Variants in CCDC112 observed in about 807,000 individuals in gnomAD.
CCDC112 encodes the protein coiled-coil domain containing 112.
CCDC112 carries 40 observed loss-of-function variants against 66.3 expected under a neutral mutation model. That is an observed-to-expected ratio of 0.60 (90% CI 0.47 to 0.79). The LOEUF (loss-of-function observed/expected upper bound fraction) is 0.79. CCDC112 is among the 30% of genes least tolerant of loss of function. CCDC112 has a pLI of 0.00. For missense variants in CCDC112, 659 were observed against 603.8 expected (o/e 1.09, Z -0.96); for synonymous variants, 214 against 197.2 (o/e 1.09, Z -0.71).
At chr5:115,292,803 C>T (rs1749991013) in intron 1 of CCDC112, among the ~76,000 whole-genome samples, 1 of 152,196 alleles carries the variant, frequency 6.6e-6, no homozygotes. Context: ...CTAGCCTTTG[C>T]TACCTTTGGG....
At chr5:115,283,295 C>T (rs566633440) in intron 2 of CCDC112, among the ~76,000 whole-genome samples, 1 of 152,052 alleles carries the variant, frequency 6.6e-6, no homozygotes, top group Non-Finnish European at 1.5e-5. Flanking sequence ...CACCTCATCA[C>T]CCCCAGACTC....
In CCDC112 at chr5:115,275,548, T is replaced by G; in HGVS notation, c.586A>C (p.Arg196=). ...CCCAAAGCCCATGTGTCAATTTTTC[T>G]TGATATGGCACTCAACTCATTATTA... ...TTNNELSAIS[R]KIDTWALGNS... is the part of the protein sequence containing the mutation. Residue 196 remains arginine, a synonymous_variant, in exon 6 of 10, where the codon AGA becomes CGA. Transcript: ENST00000379611. 1.2e-6 allele frequency: 2 copies of G among 1,613,194 alleles called. No homozygotes were observed. Among genetic ancestry groups the G allele is most frequent in the Non-Finnish European group, 8.5e-7 (1 of 1,179,416 alleles).
intron 1 of CCDC112, among the ~76,000 whole-genome samples, chr5:115,290,300 G>T (rs980669182): frequency 6.6e-6 from 1 of 151,966 alleles, no homozygotes; most frequent in Non-Finnish European, 1.5e-5. Flanking sequence ...TAAAACTGTA[G>T]GTGTATGTCT....
chr5:115,292,692 G>A (rs942185842), intron 1 of CCDC112, among the ~76,000 whole-genome samples: 4 of 152,196 alleles, frequency 2.6e-5, no homozygotes, highest in African/African-American at 9.6e-5. Flanking sequence ...AAAATCTGTA[G>A]TCTTGGTCAG....
intron 1 of CCDC112, among the ~76,000 whole-genome samples, chr5:115,290,555 G>A (rs981001856): frequency 2.0e-5 from 3 of 152,190 alleles, no homozygotes; most frequent in Non-Finnish European, 4.4e-5. Flanking sequence ...AGATTGCACT[G>A]AATCTGTAAA....
intron 2 of CCDC112, among the ~76,000 whole-genome samples, chr5:115,280,765 G>A (rs993613767): frequency 1.3e-5 from 2 of 151,946 alleles, no homozygotes; most frequent in African/African-American, 4.8e-5. Flanking sequence ...TGTTGCCCAG[G>A]CTGGTCTTGA....
At chr5:115,279,493 A>G (rs1298585898) in intron 3 of CCDC112, among the ~76,000 whole-genome samples, 154 bp downstream of exon 3, 3 of 152,220 alleles carry the variant, frequency 2.0e-5, no homozygotes. Context: ...GACAAATTTT[A>G]CCAACTAAAA....
At chr5:115,288,427 C>A (rs1749779564) in intron 1 of CCDC112, among the ~76,000 whole-genome samples, 1 of 152,182 alleles carries the variant, frequency 6.6e-6, no homozygotes, top group Non-Finnish European at 1.5e-5. Flanking sequence ...ATACCATATA[C>A]ACTACAAACT....
At chr5:115,279,113 A>G (rs1207660344) in intron 3 of CCDC112, among the ~76,000 whole-genome samples, 1 of 152,208 alleles carries the variant, frequency 6.6e-6, no homozygotes, top group Admixed American at 6.5e-5. Context: ...ATTTTTATAT[A>G]TTATCTCATC....
At position 115,284,800 on chromosome 5, in the gene CCDC112, T is replaced by C; in HGVS notation, c.226A>G (p.Lys76Glu). The C allele has an allele frequency of 6.2e-7, 1 of 1,604,062 alleles. No homozygotes were observed. The highest frequency in any genetic ancestry group is 8.5e-7 in the Non-Finnish European group (1 of 1,171,222). Residue 76 changes from lysine (K) to glutamate (E), a missense_variant, in exon 2 of 10, where the codon AAA becomes GAA. Lys to Glu is a moderately conservative substitution (Grantham distance 56, BLOSUM62 1). Coordinates refer to ENST00000379611, the MANE Select transcript of CCDC112 (RefSeq NM_001040440.3). Reference protein sequence around the residue: ...KKAEFVRTAEKFKNQVINMEK... With the variant: ...KKAEFVRTAEEFKNQVINMEK... The stretch of plus-strand genomic sequence containing the variant: ...TCTTATACTTACTGATTTTTAAATT[T>C]TTCTGCTGTGCGTACAAATTCTGCT...
intron 1 of CCDC112, among the ~76,000 whole-genome samples, chr5:115,294,360 T>C (rs1364087828): frequency 1.3e-5 from 2 of 152,172 alleles, no homozygotes; most frequent in African/African-American, 4.8e-5. Flanking sequence ...CTAGTGTTCC[T>C]ATAAGAAGAG....
intron 7 of CCDC112, 30 bp from the exon 8 acceptor site, chr5:115,269,828 A>G (rs763200635): frequency 7.3e-7 from 1 of 1,370,566 alleles, no homozygotes; most frequent in East Asian, 2.4e-5. Context: ...AGCATTAAGA[A>G]AGCATGTGAA....
chr5:115,268,027 T>A, intron 9 of CCDC112, 109 bp from the exon 10 acceptor site: 2 of 826,400 alleles, frequency 2.4e-6, no homozygotes, highest in East Asian at 2.6e-5. Flanking sequence ...CTACCCTGCA[T>A]GTTGTTTGGC....
chr5:115,269,729 T>C lies in CCDC112; in HGVS notation c.1402A>G (p.Arg468Gly), dbSNP rs1274269698. 4 of 1,603,070 alleles carry C rather than the reference T, an allele frequency of 2.5e-6. No homozygotes were observed. The highest frequency in any genetic ancestry group is 1.7e-5 in the Admixed American group (1 of 58,770). ...AKEDEKSQKQRRLAKLKEKVE... is the reference protein window; with the variant it reads ...AKEDEKSQKQGRLAKLKEKVE... ...TTTTCTTTTAATTTTGCCAGTCTTCTTTGTTTTTGTGACTTTTCATCTTCC... is the reference window on the plus strand; with the variant it reads ...TTTTCTTTTAATTTTGCCAGTCTTCCTTGTTTTTGTGACTTTTCATCTTCC... The change falls in exon 8 of 10, where the codon AGA becomes GGA. Residue 468 changes from arginine (R) to glycine (G), a missense_variant. Physicochemically the swap from Arg to Gly is moderately radical, Grantham distance 125. Coordinates refer to ENST00000379611, the MANE Select transcript of CCDC112 (RefSeq NM_001040440.3).
rs1337535628 is a variant in CCDC112 at position 115,275,495 on chromosome 5, T to C, written c.639A>G (p.Arg213=). Residue 213 remains arginine (R), a synonymous_variant, in exon 6 of 10, where the codon AGA becomes AGG. Transcript: ENST00000379611. The part of the protein sequence containing the change: ...LGNSETEKAF[R]AISSKVPVDK... ...CTACAGGAACTTTGCTTGAGATTGC[T>C]CTGAAAGCTTTCTCTGTTTCTGAAT... 2.0e-5 allele frequency: 33 copies of C among 1,613,992 alleles called. No homozygotes were observed. Among genetic ancestry groups the C allele is most frequent in the Non-Finnish European group, 2.6e-5 (31 of 1,180,002 alleles).
At chr5:115,281,925 C>T (rs1027918256) in intron 2 of CCDC112, among the ~76,000 whole-genome samples, 5 of 152,144 alleles carry the variant, frequency 3.3e-5, no homozygotes, top group Non-Finnish European at 7.4e-5. Flanking sequence ...CTGTTGTCTA[C>T]GGAGGGCAAT....
intron 1 of CCDC112, among the ~76,000 whole-genome samples, chr5:115,292,926 A>G (rs1749995866): frequency 6.6e-6 from 1 of 152,252 alleles, no homozygotes; most frequent in South Asian, 2.1e-4. Flanking sequence ...ACAAACAAGG[A>G]TGAGGACTGA....
In CCDC112 at chr5:115,289,608, C is replaced by T. The variant is rs191379028; in HGVS notation, c.118-4700G>A. Among the ~76,000 whole-genome samples, 220 of 152,314 alleles carry T rather than the reference C, an allele frequency of 1.4e-3. 1 individual carries two copies. The highest frequency in any genetic ancestry group is 3.3e-3 in the Admixed American group (50 of 15,294). Reference sequence around the variant, plus strand: ...AAAAGCCAATTCGATCTAAATTGAACTAAATTTGTTGTAACTTTGTTCAAC... The same window carrying T: ...AAAAGCCAATTCGATCTAAATTGAATTAAATTTGTTGTAACTTTGTTCAAC... On this transcript the variant is annotated intron_variant, in intron 1 of 9. Coordinates refer to ENST00000379611, the MANE Select transcript of CCDC112 (RefSeq NM_001040440.3).
At position 115,267,648 on chromosome 5, in the gene CCDC112, T is replaced by A; in HGVS notation, c.*228A>T. ...TGTTTCTAACATTAACTTATTTAAA[T>A]AACTTTTACATCAATAATAGGCCAA... On this transcript the variant is annotated 3_prime_UTR_variant, in exon 10 of 10. Transcript: ENST00000379611. 1 of 446,198 alleles carries A rather than the reference T, an allele frequency of 2.2e-6. No homozygotes were observed. The highest frequency in any genetic ancestry group is 4.0e-6 in the Non-Finnish European group (1 of 252,282). The allele number at this position is 446,198 out of a possible 1,614,324, so 27.6% of individuals were successfully genotyped here. A position where few individuals can be genotyped will look rare whatever the true frequency, so the allele number is the denominator to read the frequency against.
Sources: allele counts gnomAD v4.1 joint callset (sites outside exome capture counted in the v4.1 genomes callset), GRCh38; gene constraint gnomAD v4.1.1; transcripts MANE v1.5; gene names NCBI Gene and HGNC (gene_info 2026-07-23, HGNC 2026-07-21).